RAF1: variants seen among roughly 807,000 people sequenced by gnomAD.
The protein encoded by RAF1 is Raf-1 proto-oncogene, serine/threonine kinase.
A neutral mutation model predicts 81.1 loss-of-function variants in RAF1; 27 were observed. The ratio of observed to expected loss-of-function variants is 0.33; its 90% confidence interval spans 0.25 to 0.46. RAF1 has a LOEUF of 0.46. RAF1 is among the 20% of genes least tolerant of loss of function. The pLI, the probability that RAF1 is intolerant of heterozygous loss-of-function variation, is 1.00. For synonymous variants in RAF1, 298 were observed against 294.0 expected (o/e 1.01, Z -0.14); for missense variants, 598 against 826.0 (o/e 0.72, Z 3.38).
intron 12 of RAF1, 148 bp from the exon 12 acceptor site, chr3:12,591,122 G>A (rs945913533): frequency 7.3e-5 from 52 of 713,968 alleles, no homozygotes; most frequent in Non-Finnish European, 1.1e-4. Flanking sequence ...CACATGGCAC[G>A]GCTGATAACC....
Position 12,590,953 on chromosome 3 carries a change from A to G in RAF1, c.1275T>C (p.Ile425=). The change falls in exon 13 of 18, where the codon ATT becomes ATC. Residue 425 remains isoleucine, a synonymous_variant. Transcript: ENST00000442415. ...TTGTCATGTACCCCATGAAAAGCAG[A>G]ATGTTCACATGCCGTGTTTTGCTGG... The G allele has an allele frequency of 6.2e-7, 1 of 1,612,152 alleles. No homozygotes were observed. The highest frequency in any genetic ancestry group is 8.5e-7 in the Non-Finnish European group (1 of 1,178,350).
intron 1 of RAF1, among the ~76,000 whole-genome samples, chr3:12,630,250 T>C (rs994892026): frequency 7.2e-5 from 11 of 152,186 alleles, no homozygotes; most frequent in African/African-American, 2.7e-4. Context: ...CACCTTTTAT[T>C]AGCTGTATGG....
At chr3:12,661,848 A>C (rs1487158265) in intron 1 of RAF1, among the ~76,000 whole-genome samples, 1 of 152,144 alleles carries the variant, frequency 6.6e-6, no homozygotes, top group Non-Finnish European at 1.5e-5. Flanking sequence ...CAATTCATTC[A>C]CCACTGTGTA....
chr3:12,622,626 G>A (rs1015332364), intron 1 of RAF1, among the ~76,000 whole-genome samples: 1 of 152,128 alleles, frequency 6.6e-6, no homozygotes, highest in Admixed American at 6.5e-5. Flanking sequence ...TTCATTTTCT[G>A]CATGGTACTT....
At chr3:12,658,522 A>T (rs1057041083) in intron 1 of RAF1, among the ~76,000 whole-genome samples, 6 of 152,160 alleles carry the variant, frequency 3.9e-5, no homozygotes, top group African/African-American at 1.4e-4. Context: ...GAATCGCTTG[A>T]ACCCAGGAGG....
intron 14 of RAF1, among the ~76,000 whole-genome samples, chr3:12,586,398 T>C (rs2058333895): frequency 6.6e-6 from 1 of 151,802 alleles, no homozygotes; most frequent in Non-Finnish European, 1.5e-5. Context: ...GTCAAACTTG[T>C]GAGGAAAAAA....
rs769629821 is a variant in RAF1, at chr3:12,606,237, C to T, written c.644G>A (p.Arg215His). 1.2e-6 allele frequency: 2 copies of T among 1,613,942 alleles called. No homozygotes were observed. Among genetic ancestry groups the T allele is most frequent in the Non-Finnish European group, 8.5e-7 (1 of 1,179,878 alleles). Residue 215 changes from arginine (R) to histidine (H), a missense_variant, in exon 6 of 18, where the codon CGT becomes CAT. Around this residue, in one of 5 missense-constraint regions of RAF1, gnomAD observed 194 missense variants for 202.7 expected, o/e 0.96. Transcript: ENST00000442415. ...CCTGGAAACAGACTCTCGCATACGA[C>T]GCATAGTCAAAGAAGGTAGTGCTGG...
intron 11 of RAF1, among the ~76,000 whole-genome samples, chr3:12,598,909 T>C (rs1575562579): frequency 6.6e-6 from 1 of 152,154 alleles, no homozygotes; most frequent in African/African-American, 2.4e-5. Flanking sequence ...ACCAAGGGAC[T>C]CTGTGATTTT....
intron 13 of RAF1, chr3:12,589,079 G>A (rs1210205708): frequency 6.4e-6 from 1 of 155,222 alleles, no homozygotes; most frequent in African/African-American, 2.4e-5. Flanking sequence ...AGACACAGAT[G>A]CTGGTGTCAT....
At chr3:12,650,420 A>T (rs895233243) in intron 1 of RAF1, among the ~76,000 whole-genome samples, 1 of 152,198 alleles carries the variant, frequency 6.6e-6, no homozygotes, top group Non-Finnish European at 1.5e-5. Flanking sequence ...CCAGTATAGG[A>T]CATTGCACAA....
At chr3:12,593,979 G>C (rs1191201170) in intron 11 of RAF1, among the ~76,000 whole-genome samples, 1 of 152,024 alleles carries the variant, frequency 6.6e-6, no homozygotes, top group Admixed American at 6.6e-5. Flanking sequence ...TAAACCAAGG[G>C]AAGGATTTTA....
At chr3:12,586,664 T>G (rs1332501662) in intron 14 of RAF1, among the ~76,000 whole-genome samples, 1 of 152,208 alleles carries the variant, frequency 6.6e-6, no homozygotes, top group Non-Finnish European at 1.5e-5. Flanking sequence ...AATGCCATCT[T>G]TCTTTCACAA....
At position 12,584,447 on chromosome 3, in the gene RAF1, A is replaced by C; in HGVS notation, c.*67T>G. On this transcript the variant is annotated 3_prime_UTR_variant, in exon 18 of 18. Coordinates refer to ENST00000442415, the MANE Select transcript of RAF1 (RefSeq NM_001354689.3). ...ATGTGTTCTGCCTCTGGAGAAAGGG[A>C]GCAGAAAAGTGGTGCCTGCTGGCTT... 1 of 1,593,152 alleles carries C rather than the reference A, an allele frequency of 6.3e-7. No homozygotes were observed. The highest frequency in any genetic ancestry group is 1.1e-5 in the South Asian group (1 of 90,488).
intron 14 of RAF1, chr3:12,586,035 G>A (rs2058322769): frequency 2.0e-6 from 1 of 499,482 alleles, no homozygotes; most frequent in Non-Finnish European, 3.7e-6. Flanking sequence ...CCAAAAGCAA[G>A]CCAGCGTTTC....
intron 2 of RAF1, among the ~76,000 whole-genome samples, chr3:12,616,761 A>G (rs1354584323): frequency 6.6e-6 from 1 of 152,170 alleles, no homozygotes; most frequent in African/African-American, 2.4e-5. Flanking sequence ...TGGAATAAAC[A>G]CAATGCATTG....
chr3:12,607,453 G>A (rs2059069513), intron 5 of RAF1, among the ~76,000 whole-genome samples: 1 of 152,104 alleles, frequency 6.6e-6, no homozygotes, highest in South Asian at 2.1e-4. Flanking sequence ...TTCGAGACCA[G>A]CCTGGGCAAC....
At chr3:12,594,982 G>T (rs1376308829) in intron 11 of RAF1, among the ~76,000 whole-genome samples, 1 of 152,180 alleles carries the variant, frequency 6.6e-6, no homozygotes, top group Non-Finnish European at 1.5e-5. Flanking sequence ...CCCAAGGACT[G>T]CCATGAAAGG....
intron 11 of RAF1, among the ~76,000 whole-genome samples, chr3:12,597,360 T>C (rs1377822077): frequency 6.6e-6 from 1 of 152,216 alleles, no homozygotes; most frequent in African/African-American, 2.4e-5. Context: ...TGAAAAATTA[T>C]GAATCCCCAA....
chr3:12,636,467 A>C (rs2060035527), intron 1 of RAF1, among the ~76,000 whole-genome samples: 1 of 148,890 alleles, frequency 6.7e-6, no homozygotes, highest in African/African-American at 2.5e-5. Flanking sequence ...CTGATTGATT[A>C]CATTAAAATG....
Sources: gnomAD v4.1 joint callset for allele counts (sites outside exome capture counted in the v4.1 genomes callset) on GRCh38, gnomAD v4.1.1 for gene constraint, gnomAD v4.1.1 regional missense constraint, MANE v1.5 for transcripts, NCBI Gene and HGNC (gene_info 2026-07-23, HGNC 2026-07-21) for gene names.